Variants in AGMO observed in about 807,000 individuals in gnomAD.
AGMO encodes alkylglycerol monooxygenase, also known as glyceryl-ether monooxygenase.
Under a neutral mutation model 60.2 loss-of-function variants are expected in AGMO, and 75 were observed. The observed-to-expected ratio is 1.25, with a 90% CI of 1.03 to 1.51. The LOEUF is 1.51. Among genes scored for constraint, AGMO ranks in the 40% most tolerant of loss-of-function variants. The probability of loss-of-function intolerance (pLI) is 0.00; values close to 1 mark genes in which losing one functional copy is unlikely to be tolerated. For missense variants in AGMO, 763 were observed against 525.5 expected, an observed-to-expected ratio of 1.45 and a Z score of -4.42; for synonymous variants, 261 against 177.1, an observed-to-expected ratio of 1.47 and a Z score of -3.76.
chr7:15,120,025 C>T, the AGMO span, among the ~76,000 whole-genome samples: 1 of 151,506 alleles, frequency 6.6e-6, no homozygotes, highest in Non-Finnish European at 1.5e-5. Flanking sequence ...ACAATTCACA[C>T]CTTGAAATCC....
At chr7:15,227,952 A>G (rs1355963366) in intron 12 of AGMO, among the ~76,000 whole-genome samples, 1 of 152,124 alleles carries the variant, frequency 6.6e-6, no homozygotes, top group Non-Finnish European at 1.5e-5. Flanking sequence ...TGTGTTGGGC[A>G]GCGATCCCCT....
intron 12 of AGMO, among the ~76,000 whole-genome samples, chr7:15,343,655 G>A (rs762941741): frequency 1.5e-4 from 23 of 151,990 alleles, no homozygotes; most frequent in Non-Finnish European, 2.9e-4. Context: ...TCATCTCACC[G>A]CTGTTTTATC....
At chr7:15,182,681 T>C in the AGMO span, among the ~76,000 whole-genome samples, 1 of 152,164 alleles carries the variant, frequency 6.6e-6, no homozygotes, top group East Asian at 1.9e-4. Flanking sequence ...CCTCCCAAAG[T>C]GCTGCGATTA....
intron 12 of AGMO, among the ~76,000 whole-genome samples, chr7:15,338,579 C>T (rs1781735702): frequency 6.6e-6 from 1 of 152,112 alleles, no homozygotes; most frequent in Non-Finnish European, 1.5e-5. Context: ...GGAGACCTAG[C>T]ACTGCTATAG....
the AGMO span, among the ~76,000 whole-genome samples, chr7:15,176,148 AATTT>A: frequency 1.3e-5 from 2 of 152,026 alleles, no homozygotes; most frequent in Non-Finnish European, 2.9e-5. Flanking sequence ...ATTTATACTT[AATTT>A]ATCAAAAGCA....
chr7:15,248,149 A>G (rs1245740507), intron 12 of AGMO, among the ~76,000 whole-genome samples: 1 of 127,472 alleles, frequency 7.8e-6, no homozygotes, highest in South Asian at 2.6e-4. Flanking sequence ...CATGTCATAA[A>G]GAAGTGTCAC....
At chr7:15,434,627 A>G (rs747035043) in intron 3 of AGMO, among the ~76,000 whole-genome samples, 2 of 152,078 alleles carry the variant, frequency 1.3e-5, no homozygotes, top group Non-Finnish European at 2.9e-5. Flanking sequence ...CATGTAAGAG[A>G]GTTTGGATGC....
chr7:15,294,937 ACCTAAATAATG>A (rs140357161), intron 12 of AGMO, among the ~76,000 whole-genome samples: 52,323 of 151,334 alleles, frequency 0.35, 10,582 homozygotes, highest in East Asian at 0.5. Flanking sequence ...CACGTCATAA[ACCTAAATAATG>A]CCTAAATAAA....
rs553814509 is a variant in AGMO at position 15,547,823 on chromosome 7, G to A, written c.258-2900C>T. On this transcript the variant is annotated intron_variant, in intron 2 of 12. Coordinates refer to ENST00000342526, the MANE Select transcript of AGMO (RefSeq NM_001004320.2). ...CTGGGTGGAACCCACCACAGCTCAA[G>A]GAGGCCTGCCTGCCTCTGTAGGCTC... Among the ~76,000 whole-genome samples the A allele has an allele frequency of 3.8e-3, 584 of 152,132 alleles. 7 individuals carry two copies. Among genetic ancestry groups the A allele is most frequent in the African/African-American group, 0.013 (545 of 41,406 alleles).
intron 10 of AGMO, among the ~76,000 whole-genome samples, chr7:15,381,761 G>A (rs1012582263): frequency 3.3e-5 from 5 of 152,010 alleles, no homozygotes; most frequent in Non-Finnish European, 7.4e-5. Flanking sequence ...TCAAAGACAT[G>A]GAATCAACCT....
chr7:15,280,019 C>A (rs1173004055), intron 12 of AGMO, among the ~76,000 whole-genome samples: 1 of 152,116 alleles, frequency 6.6e-6, no homozygotes, highest in Admixed American at 6.6e-5. Flanking sequence ...AAGCTTCCAG[C>A]TGAAATTAGT....
intron 12 of AGMO, among the ~76,000 whole-genome samples, chr7:15,324,699 T>A (rs1781283060): frequency 6.6e-6 from 1 of 152,110 alleles, no homozygotes; most frequent in Non-Finnish European, 1.5e-5. Flanking sequence ...AGATACGGTT[T>A]CAGGAAGAAA....
intron 3 of AGMO, among the ~76,000 whole-genome samples, chr7:15,534,407 C>G (rs1784437092): frequency 6.6e-6 from 1 of 151,852 alleles, no homozygotes; most frequent in Non-Finnish European, 1.5e-5. Context: ...AGAAAGAAAT[C>G]AAATTCCATG....
the AGMO span, among the ~76,000 whole-genome samples, chr7:15,150,646 T>C: frequency 3.3e-5 from 5 of 152,100 alleles, 1 homozygote; most frequent in Admixed American, 6.6e-5. Context: ...ATCTCAGGAA[T>C]AAAGCCTACC....
chr7:15,371,882 C>T (rs1436973906), intron 10 of AGMO, among the ~76,000 whole-genome samples: 1 of 151,504 alleles, frequency 6.6e-6, no homozygotes, highest in Non-Finnish European at 1.5e-5. Flanking sequence ...ATAAATTCAA[C>T]TAAATTATTC....
At chr7:15,149,953 A>C in the AGMO span, among the ~76,000 whole-genome samples, 1 of 151,994 alleles carries the variant, frequency 6.6e-6, no homozygotes, top group Non-Finnish European at 1.5e-5. Flanking sequence ...TAGAGCATGG[A>C]ATGTTTTTCC....
downstream of AGMO, among the ~76,000 whole-genome samples, chr7:15,195,626 T>G (rs912013316): frequency 1.3e-5 from 2 of 152,344 alleles, no homozygotes; most frequent in Non-Finnish European, 2.9e-5. Flanking sequence ...AGTCCCCAGG[T>G]AGCCCCTTTC....
rs754176354 is a variant in AGMO, at chr7:15,561,830, C to G, written c.16G>C (p.Ala6Pro). 2 of 1,603,192 alleles carry G rather than the reference C, an allele frequency of 1.2e-6. No individual in the cohort carries two copies. Among genetic ancestry groups the G allele is most frequent in the Non-Finnish European group, 1.7e-6 (2 of 1,173,936 alleles). Residue 6 changes from alanine (A) to proline (P), a missense_variant, in exon 1 of 13, where the codon GCC becomes CCC. Coordinates refer to ENST00000342526, the MANE Select transcript of AGMO (RefSeq NM_001004320.2). The part of the protein sequence containing the change: MKNPE[A>P]QQDVSVSQGF... ...TGGGAAACTGAAACATCCTGCTGGG[C>G]TTCTGGGTTCTTCATTTCTGCCCTT...
chr7:15,561,909 G>A lies in AGMO; in HGVS notation c.-64C>T. ...GATTCAATGCTTGAAGCCTGAGGCT[G>A]AACAAAGAGGACGAGATGTGCAGCT... is the stretch of plus-strand genomic sequence containing the variant. On this transcript the variant is annotated 5_prime_UTR_variant, in exon 1 of 13. Coordinates refer to ENST00000342526, the MANE Select transcript of AGMO (RefSeq NM_001004320.2). 1.3e-6 allele frequency: 2 copies of A among 1,504,376 alleles called. No individual in the cohort carries two copies. The highest frequency in any genetic ancestry group is 1.8e-6 in the Non-Finnish European group (2 of 1,116,048). 93.2% of individuals were successfully genotyped at this position (1,504,376 alleles called of 1,614,324 possible).
Sources: allele counts gnomAD v4.1 joint callset (sites outside exome capture counted in the v4.1 genomes callset), GRCh38; gene constraint gnomAD v4.1.1; transcripts MANE v1.5; gene names NCBI Gene and HGNC (gene_info 2026-07-23, HGNC 2026-07-21).